TAB2: variants seen among roughly 807,000 people sequenced by gnomAD.
TAB2 encodes TGF-beta activated kinase 1 (MAP3K7) binding protein 2.
A neutral mutation model predicts 65.0 loss-of-function variants in TAB2; 3 were observed. The ratio of observed to expected loss-of-function variants is 0.05; its 90% CI spans 0.02 to 0.12. TAB2 has a LOEUF of 0.12. Ranked by LOEUF, TAB2 falls within the 10% of genes least tolerant of loss-of-function variation. The pLI, the probability that TAB2 is intolerant of heterozygous loss-of-function variation, is 1.00. For synonymous variants in TAB2, 298 were observed against 285.1 expected (o/e 1.05, Z -0.46); for missense variants, 623 against 840.3 (o/e 0.74, Z 3.20).
chr6:149,245,699 C>T (rs1461025432), intron 1 of TAB2: 5 of 152,134 alleles, frequency 3.3e-5, no homozygotes, highest in Admixed American at 3.3e-4. Context: ...ACAATGCACT[C>T]TTTATTCCAT....
intron 1 of TAB2, among the ~76,000 whole-genome samples, chr6:149,363,823 A>G (rs898389553): frequency 6.6e-6 from 1 of 152,092 alleles, no homozygotes; most frequent in Admixed American, 6.5e-5. Context: ...TCCCTGTATG[A>G]TATCTCTATT....
At chr6:149,314,301 T>A (rs1779213305), upstream of TAB2, among the ~76,000 whole-genome samples, 1 of 152,216 alleles carries the variant, frequency 6.6e-6, no homozygotes, top group South Asian at 2.1e-4. Flanking sequence ...CATTTGTTCA[T>A]GTTGTCTTGT....
At chr6:149,309,766 A>T (rs1461221179) in intron 1 of TAB2, among the ~76,000 whole-genome samples, 2 of 152,118 alleles carry the variant, frequency 1.3e-5, no homozygotes, top group Non-Finnish European at 2.9e-5. Flanking sequence ...ATTTTGATAT[A>T]TAATGTGTTT....
At chr6:149,290,743 G>T (rs987262948) in intron 1 of TAB2, among the ~76,000 whole-genome samples, 3 of 152,208 alleles carry the variant, frequency 2.0e-5, no homozygotes, top group Admixed American at 2.0e-4. Flanking sequence ...TACTCAGGAG[G>T]CTCAGGTGGG....
chr6:149,294,750 G>C (rs917449426), intron 1 of TAB2, among the ~76,000 whole-genome samples: 1 of 152,106 alleles, frequency 6.6e-6, no homozygotes, highest in Non-Finnish European at 1.5e-5. Flanking sequence ...GCCATAAAAA[G>C]ATACCTACAA....
intron 1 of TAB2, among the ~76,000 whole-genome samples, chr6:149,282,926 G>A (rs114247206): frequency 0.013 from 2,024 of 152,188 alleles, 43 homozygotes; most frequent in African/African-American, 0.047. Flanking sequence ...ATTCTTAACT[G>A]CTGGGTCAAA....
chr6:149,329,509 T>C (rs764227732), intron 1 of TAB2, among the ~76,000 whole-genome samples: 1 of 152,152 alleles, frequency 6.6e-6, no homozygotes, highest in Non-Finnish European at 1.5e-5. Context: ...AGAGGAAGAC[T>C]TCACTTGATA....
chr6:149,319,170 C>T (rs1294087376), intron 1 of TAB2, among the ~76,000 whole-genome samples: 2 of 152,216 alleles, frequency 1.3e-5, no homozygotes, highest in Admixed American at 6.5e-5. Context: ...CTTTAGCATA[C>T]TCTAAAGGTT....
At chr6:149,275,786 C>T (rs1778460768) in intron 1 of TAB2, among the ~76,000 whole-genome samples, 2 of 152,062 alleles carry the variant, frequency 1.3e-5, no homozygotes, top group South Asian at 4.1e-4. Context: ...GGTCTTTTTC[C>T]CAAAACCCAT....
chr6:149,315,254 G>A (rs921056722), upstream of TAB2, among the ~76,000 whole-genome samples: 2 of 152,134 alleles, frequency 1.3e-5, no homozygotes, highest in Non-Finnish European at 2.9e-5. Flanking sequence ...ACCAAAAATT[G>A]CAAGAACGGT....
intron 1 of TAB2, among the ~76,000 whole-genome samples, chr6:149,339,385 GA>G (rs71803243): frequency 0.12 from 18,428 of 151,324 alleles, 1,721 homozygotes; most frequent in East Asian, 0.51. Context: ...ATGAAAAAAA[GA>G]AAAAAAATCT....
intron 1 of TAB2, among the ~76,000 whole-genome samples, chr6:149,318,232 T>TGGGGAGCATCGGGCC (rs1779318039): frequency 1.6e-5 from 2 of 125,198 alleles, no homozygotes; most frequent in African/African-American, 5.6e-5. Flanking sequence ...CCGGTGGGGG[T>TGGGGAGCATCGGGCC]GGGGAGCATC....
At chr6:149,220,426 G>A (rs997818567) in intron 1 of TAB2, among the ~76,000 whole-genome samples, 1 of 152,078 alleles carries the variant, frequency 6.6e-6, no homozygotes, top group Admixed American at 6.6e-5. Flanking sequence ...ATACACACAC[G>A]ATTACGGGAC....
At position 149,379,348 on chromosome 6, in the gene TAB2, C is replaced by G; in HGVS notation, c.1433C>G (p.Pro478Arg). ...VSPNKPPAVS[P>R]GVVSPTFELT... ...CCCAATAAGCCCCCTGCAGTTTCAC[C>G]AGGGGTGGTGTCCCCTACCTTTGAA... The change falls in exon 3 of 7, where the codon CCA becomes CGA. Residue 478 changes from proline (P) to arginine (R), a missense_variant. Coordinates refer to ENST00000637181, the MANE Select transcript of TAB2 (RefSeq NM_001292034.3). 2.5e-6 allele frequency: 4 copies of G among 1,614,212 alleles called. No homozygotes were observed. Among genetic ancestry groups the G allele is most frequent in the Non-Finnish European group, 3.4e-6 (4 of 1,180,040 alleles).
intron 6 of TAB2, among the ~76,000 whole-genome samples, chr6:149,406,697 TTTTGTTTGTTTG>T (rs369961981): frequency 6.6e-6 from 1 of 152,092 alleles, no homozygotes; most frequent in Non-Finnish European, 1.5e-5. Context: ...TCTACTTCAT[TTTTGTTTGTTTG>T]TTTGTTTGTT....
rs558246996 is a variant in TAB2, at chr6:149,324,960, C to G, written c.-90+6945C>G. On this transcript the variant is annotated intron_variant, in intron 1 of 6. Coordinates refer to ENST00000637181, the MANE Select transcript of TAB2 (RefSeq NM_001292034.3). ...TACAAGTGTGCGCAACTACATCCAG[C>G]TGATTTCTAAAAATTTTTTATAGAG... is the stretch of plus-strand genomic sequence containing the variant. Among the ~76,000 whole-genome samples the G allele has an allele frequency of 2.6e-5, 4 of 152,002 alleles. No individual in the cohort carries two copies. In the South Asian group the frequency reaches 8.3e-4, roughly 32 times the overall value.
chr6:149,404,292 A>T, intron 6 of TAB2, among the ~76,000 whole-genome samples: 1 of 152,126 alleles, frequency 6.6e-6, no homozygotes, highest in African/African-American at 2.4e-5. Context: ...ATTAAAGAAG[A>T]CACAGATAAA....
At chr6:149,244,368 G>A (rs969306546) in intron 1 of TAB2, 1 of 152,396 alleles carries the variant, frequency 6.6e-6, no homozygotes, top group African/African-American at 2.4e-5. Context: ...TGGGTGGATA[G>A]GGAAGTTGTT....
At chr6:149,247,619 T>G (rs1339528498) in intron 1 of TAB2, 4 of 152,230 alleles carry the variant, frequency 2.6e-5, no homozygotes, top group Admixed American at 2.6e-4. Flanking sequence ...CCTTTTTGCA[T>G]CAGTTTCATA....
Sources: gnomAD v4.1 joint callset for allele counts (sites outside exome capture counted in the v4.1 genomes callset) on GRCh38, gnomAD v4.1.1 for gene constraint, MANE v1.5 for transcripts, NCBI Gene and HGNC (gene_info 2026-07-23, HGNC 2026-07-21) for gene names.